Variants in KCND2 observed in about 807,000 individuals in gnomAD.
KCND2 encodes the protein potassium voltage-gated channel subfamily D member 2.
KCND2 carries 16 observed loss-of-function variants against 54.4 expected under a neutral mutation model. The ratio of observed to expected loss-of-function variants is 0.29; its 90% confidence interval spans 0.20 to 0.45. KCND2 has a LOEUF of 0.45. Ranked by LOEUF, KCND2 falls within the 20% of genes least tolerant of loss-of-function variation. The pLI, the probability that KCND2 is intolerant of heterozygous loss-of-function variation, is 1.00. For missense variants in KCND2, 486 were observed against 824.2 expected, an observed-to-expected ratio of 0.59 and a Z score of 5.02; for synonymous variants, 317 against 310.7, an observed-to-expected ratio of 1.02 and a Z score of -0.21.
intron 1 of KCND2, among the ~76,000 whole-genome samples, chr7:120,488,054 G>C (rs1802720047): frequency 6.6e-6 from 1 of 151,982 alleles, no homozygotes; most frequent in Non-Finnish European, 1.5e-5. Context: ...AACTGGTTTG[G>C]CATGGTGGCA....
At chr7:120,674,052 C>T (rs930219248) in intron 1 of KCND2, among the ~76,000 whole-genome samples, 26 of 151,962 alleles carry the variant, frequency 1.7e-4, no homozygotes, top group African/African-American at 6.3e-4. Context: ...CGCAGACATG[C>T]GTCACCACGC....
chr7:120,683,607 A>G (rs1014502731), intron 1 of KCND2, among the ~76,000 whole-genome samples: 3 of 152,182 alleles, frequency 2.0e-5, no homozygotes, highest in African/African-American at 7.2e-5. Context: ...TACAATTCTA[A>G]TATCTAAACA....
At chr7:120,568,702 T>C (rs1792328091) in intron 1 of KCND2, among the ~76,000 whole-genome samples, 1 of 152,164 alleles carries the variant, frequency 6.6e-6, no homozygotes, top group South Asian at 2.1e-4. Flanking sequence ...TTCCCTTTAG[T>C]AAATTGCTAA....
intron 1 of KCND2, among the ~76,000 whole-genome samples, chr7:120,571,739 A>G (rs946510115): frequency 6.6e-6 from 1 of 152,190 alleles, no homozygotes. Flanking sequence ...AGTAAAACCA[A>G]TTATACTATT....
intron 1 of KCND2, among the ~76,000 whole-genome samples, chr7:120,498,091 TCAGGTAACA>T (rs2116312323): frequency 6.6e-6 from 1 of 152,342 alleles, no homozygotes; most frequent in Admixed American, 6.5e-5. Flanking sequence ...TTAAAAACTA[TCAGGTAACA>T]CTTCTATTGA....
intron 1 of KCND2, among the ~76,000 whole-genome samples, chr7:120,525,477 T>A (rs1354548518): frequency 6.6e-6 from 1 of 152,208 alleles, no homozygotes. Flanking sequence ...TAAATCAGCA[T>A]AATAGAAGCT....
rs948522234 is a variant in KCND2 at position 120,750,234 on chromosome 7, A to G, written c.*2376A>G. On this transcript the variant is annotated 3_prime_UTR_variant, in exon 6 of 6. Transcript: ENST00000331113. ...TTTGACAATTTTGTTTGAAATTCAT[A>G]TATCTTATTTCAAAGGATAGCATAA... is the stretch of plus-strand genomic sequence containing the variant. The G allele has an allele frequency of 2.0e-5, 3 of 152,422 alleles. No homozygotes were observed. The highest frequency in any genetic ancestry group is 7.2e-5 in the African/African-American group (3 of 41,442). The allele number at this position is 152,422 out of a possible 1,614,324, so 9.4% of individuals were successfully genotyped here.
chr7:120,438,060 A>G (rs777796594), intron 1 of KCND2, among the ~76,000 whole-genome samples: 1 of 152,210 alleles, frequency 6.6e-6, no homozygotes, highest in African/African-American at 2.4e-5. Flanking sequence ...TGGAAACCAG[A>G]TGAGTGGCTG....
chr7:120,434,327 T>A (rs1370907492), intron 1 of KCND2, among the ~76,000 whole-genome samples: 1 of 152,176 alleles, frequency 6.6e-6, no homozygotes, highest in Non-Finnish European at 1.5e-5. Context: ...TTGTCCCCTT[T>A]GTGGTGTGGG....
intron 1 of KCND2, among the ~76,000 whole-genome samples, chr7:120,732,066 C>T (rs1381804789): frequency 1.3e-5 from 2 of 152,068 alleles, no homozygotes; most frequent in Non-Finnish European, 2.9e-5. Flanking sequence ...GGAGAGACAT[C>T]ATGGCTGTCA....
intron 1 of KCND2, among the ~76,000 whole-genome samples, chr7:120,364,190 T>A (rs116213533): frequency 1.5e-3 from 224 of 152,330 alleles, no homozygotes; most frequent in African/African-American, 5.0e-3. Context: ...TTCATGTATC[T>A]GGTTTATGAA....
At chr7:120,467,591 T>C (rs1802389698) in intron 1 of KCND2, among the ~76,000 whole-genome samples, 2 of 152,136 alleles carry the variant, frequency 1.3e-5, no homozygotes, top group Non-Finnish European at 2.9e-5. Flanking sequence ...ACATATTTCA[T>C]GCAATATGGT....
intron 1 of KCND2, among the ~76,000 whole-genome samples, chr7:120,321,357 C>T (rs148204488): frequency 6.6e-6 from 1 of 152,186 alleles, no homozygotes; most frequent in African/African-American, 2.4e-5. Flanking sequence ...ATGTCTTGAA[C>T]TCCTGACCTT....
chr7:120,559,147 A>T (rs183232870), intron 1 of KCND2, among the ~76,000 whole-genome samples: 6 of 152,296 alleles, frequency 3.9e-5, no homozygotes, highest in African/African-American at 4.8e-5. Flanking sequence ...TTTTATGAGA[A>T]TATGATTAGC....
At chr7:120,499,312 C>G (rs927774333) in intron 1 of KCND2, among the ~76,000 whole-genome samples, 5 of 151,966 alleles carry the variant, frequency 3.3e-5, no homozygotes. Flanking sequence ...TAAATAATAG[C>G]TCAATTATAA....
chr7:120,433,816 A>G (rs1200380250), intron 1 of KCND2, among the ~76,000 whole-genome samples: 1 of 152,212 alleles, frequency 6.6e-6, no homozygotes, highest in East Asian at 1.9e-4. Flanking sequence ...TGTTTATGCA[A>G]ATAGACAAAA....
intron 1 of KCND2, among the ~76,000 whole-genome samples, chr7:120,372,010 T>G (rs1222306713): frequency 1.3e-5 from 2 of 151,944 alleles, no homozygotes; most frequent in Non-Finnish European, 2.9e-5. Context: ...TGATTGCATA[T>G]CCTTGCCATT....
chr7:120,735,399 A>C (rs1792858193), intron 2 of KCND2, among the ~76,000 whole-genome samples: 1 of 152,074 alleles, frequency 6.6e-6, no homozygotes, highest in African/African-American at 2.4e-5. Context: ...CCAAAAGTTT[A>C]ACTTTCAACC....
At chr7:120,361,395 C>G (rs1472769855) in intron 1 of KCND2, among the ~76,000 whole-genome samples, 1 of 151,524 alleles carries the variant, frequency 6.6e-6, no homozygotes, top group Non-Finnish European at 1.5e-5. Context: ...CGCTCTCTCT[C>G]TCTCTTTTTT....
Sources: gnomAD v4.1 joint callset for allele counts (sites outside exome capture counted in the v4.1 genomes callset) on GRCh38, gnomAD v4.1.1 for gene constraint, MANE v1.5 for transcripts, NCBI Gene and HGNC (gene_info 2026-07-23, HGNC 2026-07-21) for gene names.